Variants in GAREM1 observed in about 807,000 individuals in gnomAD.
GAREM1 encodes the protein GRB2-associated and regulator of MAPK protein 1.
GAREM1 carries 26 observed loss-of-function variants against 71.3 expected under a neutral mutation model. The ratio of observed to expected loss-of-function variants is 0.36; its 90% confidence interval spans 0.27 to 0.51. The LOEUF (loss-of-function observed/expected upper bound fraction) is 0.51. Ranked by LOEUF, GAREM1 falls within the 20% of genes least tolerant of loss-of-function variation. The probability of loss-of-function intolerance (pLI) is 0.95; values close to 1 mark genes in which losing one functional copy is unlikely to be tolerated. For missense variants in GAREM1, 1,026 were observed against 1,103.1 expected, an observed-to-expected ratio of 0.93 and a Z score of 0.99; for synonymous variants, 440 against 433.2, an observed-to-expected ratio of 1.02 and a Z score of -0.20.
chr18:32,388,111 C>G (rs538985286), intron 2 of GAREM1, among the ~76,000 whole-genome samples: 1 of 152,232 alleles, frequency 6.6e-6, no homozygotes, highest in African/African-American at 2.4e-5. Flanking sequence ...GGGGGCATGT[C>G]ACAGAGACAC....
chr18:32,273,097 G>A (rs1246231989), intron 4 of GAREM1, among the ~76,000 whole-genome samples: 1 of 152,138 alleles, frequency 6.6e-6, no homozygotes, highest in Non-Finnish European at 1.5e-5. Flanking sequence ...ATAGAAATAG[G>A]GCGCATGGAA....
At chr18:32,459,681 A>C (rs1033855364) in intron 1 of GAREM1, among the ~76,000 whole-genome samples, 1 of 152,200 alleles carries the variant, frequency 6.6e-6, no homozygotes, top group Non-Finnish European at 1.5e-5. Context: ...TGAATCTTGC[A>C]TTATTTTAAA....
intron 2 of GAREM1, among the ~76,000 whole-genome samples, chr18:32,334,854 G>A (rs1454165637): frequency 6.6e-6 from 1 of 152,078 alleles, no homozygotes; most frequent in East Asian, 1.9e-4. Context: ...ACAGGTTTGG[G>A]TACGAGATAT....
At chr18:32,338,993 T>C (rs1168013394) in intron 2 of GAREM1, among the ~76,000 whole-genome samples, 1 of 152,194 alleles carries the variant, frequency 6.6e-6, no homozygotes, top group Non-Finnish European at 1.5e-5. Context: ...GAGACTGCCC[T>C]TGGTCCCAAA....
chr18:32,283,545 C>CA (rs1054624441), intron 4 of GAREM1, among the ~76,000 whole-genome samples: 84 of 146,012 alleles, frequency 5.8e-4, no homozygotes, highest in East Asian at 3.0e-3. Flanking sequence ...GACTCTGTCT[C>CA]AAAAAAAACA....
intron 2 of GAREM1, among the ~76,000 whole-genome samples, chr18:32,391,044 T>C (rs972314034): frequency 6.6e-6 from 1 of 152,144 alleles, no homozygotes; most frequent in Non-Finnish European, 1.5e-5. Flanking sequence ...GACTGTACAG[T>C]CCAACTGGTG....
At chr18:32,276,187 G>C (rs1050821795) in intron 4 of GAREM1, among the ~76,000 whole-genome samples, 23 of 152,206 alleles carry the variant, frequency 1.5e-4, no homozygotes, top group Non-Finnish European at 7.3e-5. Flanking sequence ...CATATTTCTA[G>C]AAAGGCATAT....
intron 2 of GAREM1, among the ~76,000 whole-genome samples, chr18:32,361,110 G>A (rs181320383): frequency 6.6e-6 from 1 of 152,290 alleles, no homozygotes; most frequent in East Asian, 1.9e-4. Flanking sequence ...TCAGGTCTTA[G>A]GCAGGTAGGT....
chr18:32,433,782 G>C (rs1332209824), intron 1 of GAREM1, among the ~76,000 whole-genome samples: 2 of 152,048 alleles, frequency 1.3e-5, no homozygotes, highest in Non-Finnish European at 2.9e-5. Context: ...AAATCTTTGA[G>C]AGAAATCAAA....
chr18:32,334,644 G>T (rs773200203), intron 2 of GAREM1, among the ~76,000 whole-genome samples: 1 of 152,138 alleles, frequency 6.6e-6, no homozygotes, highest in African/African-American at 2.4e-5. Flanking sequence ...GTCCTGACAC[G>T]GCATAACCTA....
intron 3 of GAREM1, among the ~76,000 whole-genome samples, chr18:32,304,843 A>G (rs776578568): frequency 6.6e-6 from 1 of 152,140 alleles, no homozygotes; most frequent in Non-Finnish European, 1.5e-5. Context: ...CACTCTGTAG[A>G]TCGTGGTGGC....
At chr18:32,285,098 C>A (rs73956860) in intron 4 of GAREM1, among the ~76,000 whole-genome samples, 1 of 152,214 alleles carries the variant, frequency 6.6e-6, no homozygotes, top group East Asian at 1.9e-4. Context: ...TAGGGAATTG[C>A]TGACATAAAC....
intron 2 of GAREM1, among the ~76,000 whole-genome samples, chr18:32,354,571 T>A (rs185917524): frequency 6.3e-4 from 96 of 152,138 alleles, no homozygotes; most frequent in African/African-American, 2.2e-3. Flanking sequence ...CAAGCTACAA[T>A]CCCCCTCTCT....
At chr18:32,430,547 T>C (rs1327384737) in intron 1 of GAREM1, among the ~76,000 whole-genome samples, 2 of 152,212 alleles carry the variant, frequency 1.3e-5, no homozygotes, top group Non-Finnish European at 2.9e-5. Flanking sequence ...AGAGATACAG[T>C]ACACCTCACC....
At chr18:32,298,271 G>A (rs758137969) in intron 3 of GAREM1, among the ~76,000 whole-genome samples, 9 of 152,044 alleles carry the variant, frequency 5.9e-5, no homozygotes, top group Non-Finnish European at 1.2e-4. Flanking sequence ...TACAACTAAC[G>A]TACTGACCAA....
In GAREM1 at chr18:32,392,985, A is replaced by C. The variant is rs745830381; in HGVS notation, c.172T>G (p.Cys58Gly). The change falls in exon 2 of 6, where the codon TGC (cysteine) becomes GGC (glycine). Residue 58 changes from cysteine (C) to glycine (G), a missense_variant. This residue lies in a region of GAREM1 where 172 missense variants were observed against 175.2 expected (regional missense o/e 0.98). Coordinates refer to ENST00000269209, the MANE Select transcript of GAREM1 (RefSeq NM_001242409.2). ...RENDYLLIHSCRQWTTITAHS... is the reference protein window; with the variant it reads ...RENDYLLIHSGRQWTTITAHS... ...GCAGTGATGGTGGTCCACTGGCGGCAGGAATGAATCAGCAGATAGTCATTT... is the reference window on the plus strand; with the variant it reads ...GCAGTGATGGTGGTCCACTGGCGGCCGGAATGAATCAGCAGATAGTCATTT... The C allele has an allele frequency of 1.2e-6, 2 of 1,613,732 alleles. No homozygotes were observed. The highest frequency in any genetic ancestry group is 2.7e-5 in the African/African-American group (2 of 74,884).
intron 2 of GAREM1, among the ~76,000 whole-genome samples, chr18:32,358,618 A>G (rs529637638): frequency 5.9e-5 from 9 of 152,310 alleles, no homozygotes; most frequent in Admixed American, 2.0e-4. Context: ...CCTTAAAAGG[A>G]CACAGAATTA....
intron 1 of GAREM1, among the ~76,000 whole-genome samples, chr18:32,466,526 C>G (rs949947820): frequency 3.3e-5 from 5 of 152,132 alleles, no homozygotes; most frequent in African/African-American, 4.8e-5. Context: ...TGCTTAGGGA[C>G]AGAGTTTCAC....
intron 5 of GAREM1, 138 bp from the exon 6 acceptor site, chr18:32,268,906 T>G: frequency 3.1e-6 from 2 of 647,262 alleles, no homozygotes. Flanking sequence ...CTAACTTCAC[T>G]GGGTTTTTTT....
Sources: allele counts gnomAD v4.1 joint callset (sites outside exome capture counted in the v4.1 genomes callset), GRCh38; gene constraint gnomAD v4.1.1; regional missense constraint gnomAD v4.1.1; transcripts MANE v1.5; gene names NCBI Gene and HGNC (gene_info 2026-07-23, HGNC 2026-07-21).